Variants in PCDHGA3 observed in about 807,000 individuals in gnomAD.
The protein encoded by PCDHGA3 is protocadherin gamma subfamily A, 3, also known as protocadherin gamma-A3.
Under a neutral mutation model 58.5 loss-of-function variants are expected in PCDHGA3, and 40 were observed. The ratio of observed to expected loss-of-function variants is 0.68; its 90% confidence interval spans 0.53 to 0.89. The LOEUF (loss-of-function observed/expected upper bound fraction) is 0.89. PCDHGA3 is among the 40% of genes least tolerant of loss of function. The pLI is 0.00. For synonymous variants in PCDHGA3, 530 were observed against 525.7 expected (o/e 1.01, Z -0.11); for missense variants, 1,223 against 1,195.9 (o/e 1.02, Z -0.33).
intron 1 of PCDHGA3, chr5:141,423,628 AT>A (rs2096762361): frequency 6.2e-7 from 1 of 1,604,844 alleles, no homozygotes; most frequent in Admixed American, 1.7e-5. Flanking sequence ...CTCAGCTATC[AT>A]TTTAGGCAAA....
At position 141,364,431 on chromosome 5, in the gene PCDHGA3, C is replaced by T; in HGVS notation, c.2424+17974C>T. On this transcript the variant is annotated intron_variant, in intron 1 of 3. Coordinates refer to ENST00000253812, the MANE Select transcript of PCDHGA3 (RefSeq NM_018916.4). ...CCAGGATCCGGGCAGATCCGCTACT[C>T]GATGCCGGAGGAGCTGGACAAAGGC... 2.5e-6 allele frequency: 4 copies of T among 1,613,754 alleles called. No individual in the cohort carries two copies. The South Asian group carries it at 3.3e-5, about 13-fold the overall frequency.
chr5:141,375,876 C>T, intron 1 of PCDHGA3: 1 of 1,613,848 alleles, frequency 6.2e-7, no homozygotes, highest in Non-Finnish European at 8.5e-7. Context: ...GACAGAGACT[C>T]GGGCCAGAAC....
In PCDHGA3 at chr5:141,363,308, G is replaced by A. The variant is rs144371866; in HGVS notation, c.2424+16851G>A. ...ATTATATAGAATTTTTATTTTCTTA[G>A]TTTTCTATGAAAGTGTTATTAAATA... On this transcript the variant is annotated intron_variant, in intron 1 of 3. Transcript: ENST00000253812. Among the ~76,000 whole-genome samples, 211 of 152,094 alleles carry A rather than the reference G, an allele frequency of 1.4e-3. 2 individuals carry two copies. Among genetic ancestry groups the A allele is most frequent in the African/African-American group, 5.0e-3 (207 of 41,486 alleles).
intron 1 of PCDHGA3, among the ~76,000 whole-genome samples, chr5:141,457,543 A>G (rs555448211): frequency 2.6e-5 from 4 of 152,346 alleles, no homozygotes; most frequent in African/African-American, 9.6e-5. Flanking sequence ...TTAATGACAA[A>G]TGTATGATAA....
intron 1 of PCDHGA3, chr5:141,420,568 T>C (rs2096507107): frequency 8.5e-6 from 2 of 235,080 alleles, no homozygotes; most frequent in African/African-American, 2.3e-5. Flanking sequence ...CGGCATGGTA[T>C]TTTAATTGAA....
At chr5:141,478,345 C>T (rs755421316) in intron 1 of PCDHGA3, 3 of 1,613,850 alleles carry the variant, frequency 1.9e-6, no homozygotes, top group East Asian at 4.5e-5. Context: ...CCTCCTTGCA[C>T]GCGGACGCCG....
chr5:141,469,505 G>T (rs2099202987), intron 1 of PCDHGA3, among the ~76,000 whole-genome samples: 1 of 152,138 alleles, frequency 6.6e-6, no homozygotes. Flanking sequence ...AACCCGGGAG[G>T]TGGAGGTTGC....
chr5:141,357,725 T>TTCTATAAAGCAA, intron 1 of PCDHGA3: 9 of 1,394,618 alleles, frequency 6.5e-6, no homozygotes, highest in Middle Eastern at 3.8e-4. Flanking sequence ...GTTGCCTCTT[T>TTCTATAAAGCAA]TAATATTTTA....
chr5:141,407,505 T>TTTTTTTTTTTTTTTTTGAGACGG (rs1460306566), intron 1 of PCDHGA3, among the ~76,000 whole-genome samples: 2 of 152,146 alleles, frequency 1.3e-5, no homozygotes, highest in African/African-American at 4.8e-5. Flanking sequence ...CTGTTTTTCT[T>TTTTTTTTTTTTTTTTTGAGACGG]AGGCTATGTA....
intron 1 of PCDHGA3, chr5:141,408,648 G>A: frequency 2.5e-6 from 4 of 1,613,922 alleles, no homozygotes; most frequent in South Asian, 2.2e-5. Flanking sequence ...GCATCCGCTG[G>A]TACACGACTA....
intron 1 of PCDHGA3, chr5:141,419,239 C>T (rs374093302): frequency 3.7e-6 from 6 of 1,614,008 alleles, no homozygotes; most frequent in East Asian, 2.2e-5. Context: ...ACCTGGTCCA[C>T]GTGCCAGAAA....
chr5:141,441,310 C>T (rs2098239133), intron 1 of PCDHGA3: 1 of 152,154 alleles, frequency 6.6e-6, no homozygotes, highest in Non-Finnish European at 1.5e-5. Context: ...AGAAAATGCA[C>T]CTTGAGAAAA....
chr5:141,364,590 C>G lies in PCDHGA3; in HGVS notation c.2424+18133C>G, dbSNP rs751302023. On this transcript the variant is annotated intron_variant, in intron 1 of 3. Transcript: ENST00000253812. ...CCGCGAAGCGGCAGCTTGGTCACCG[C>G]GGGCAGGATAGACCGGGAGGAGCTC... 2.7e-5 allele frequency: 44 copies of G among 1,614,196 alleles called. 1 individual carries two copies. In the South Asian group the frequency reaches 3.6e-4, roughly 13 times the overall value.
At position 141,382,966 on chromosome 5, in the gene PCDHGA3, C is replaced by A. The variant is rs36077896; in HGVS notation, c.2424+36509C>A. ...CCTGCTCTCCATCCTCCTGGGGACC[C>A]CCTGGGAAGCCTGGGCAGGACGTAT... On this transcript the variant is annotated intron_variant, in intron 1 of 3. Coordinates refer to ENST00000253812, the MANE Select transcript of PCDHGA3 (RefSeq NM_018916.4). 1,675 of 1,609,050 alleles carry A rather than the reference C, an allele frequency of 1.0e-3. 6 individuals are homozygous for A. Among genetic ancestry groups the A allele is most frequent in the Middle Eastern group, 5.5e-3 (33 of 6,044 alleles).
In PCDHGA3 at chr5:141,357,367, C is replaced by A. The variant is rs377276213; in HGVS notation, c.2424+10910C>A. On this transcript the variant is annotated intron_variant, in intron 1 of 3. Coordinates refer to ENST00000253812, the MANE Select transcript of PCDHGA3 (RefSeq NM_018916.4). The stretch of plus-strand genomic sequence containing the variant: ...CAAGCTGAGACGCTGGCACAAGTCA[C>A]GCCTGCTTCACGCTGAAGGCAGCAG... 6 of 1,614,060 alleles carry A rather than the reference C, an allele frequency of 3.7e-6. No individual in the cohort carries two copies. In the African/African-American group the frequency reaches 6.7e-5, roughly 18 times the overall value.
At chr5:141,452,134 T>C (rs539377216) in intron 1 of PCDHGA3, among the ~76,000 whole-genome samples, 2 of 152,344 alleles carry the variant, frequency 1.3e-5, no homozygotes, top group South Asian at 2.1e-4. Flanking sequence ...ATATGGCTCA[T>C]GTGTTTTTTC....
rs201325462 is a variant in PCDHGA3, at chr5:141,371,687, G to C, written c.2424+25230G>C. The C allele has an allele frequency of 3.2e-3, 5,173 of 1,614,012 alleles. 13 individuals are homozygous for C. The highest frequency in any genetic ancestry group is 4.1e-3 in the Non-Finnish European group (4,801 of 1,179,898). ...CAGCTACCGACAAAGGCAATCCACC[G>C]CTCTCCTCCAGCAAGACCATCACTC... On this transcript the variant is annotated intron_variant, in intron 1 of 3. Coordinates refer to ENST00000253812, the MANE Select transcript of PCDHGA3 (RefSeq NM_018916.4).
At position 141,485,222 on chromosome 5, in the gene PCDHGA3, C is replaced by T; in HGVS notation, c.2425-9585C>T. On this transcript the variant is annotated intron_variant, in intron 1 of 3. Transcript: ENST00000253812. The surrounding 1 kb of genome is among the most constrained non-coding windows in gnomAD (Gnocchi z 5.7). The stretch of plus-strand genomic sequence containing the variant: ...GACAGAAATCTGGCGGTGGGCTACC[C>T]TTTTGTTCCTCTTTTACCACCTGGG... 4 of 1,614,196 alleles carry T rather than the reference C, an allele frequency of 2.5e-6. No homozygotes were observed. Among genetic ancestry groups the T allele is most frequent in the Non-Finnish European group, 2.5e-6 (3 of 1,180,020 alleles).
chr5:141,432,300 T>G lies in PCDHGA3; in HGVS notation c.2425-62507T>G, dbSNP rs1280788604. ...TCCATCAACTCCGACACTGGGGTACTGTATGCGCTGAGCTCCTTCGACTAC... is the reference window on the plus strand; with the variant it reads ...TCCATCAACTCCGACACTGGGGTACGGTATGCGCTGAGCTCCTTCGACTAC... On this transcript the variant is annotated intron_variant, in intron 1 of 3. Transcript: ENST00000253812. The surrounding 1 kb of genome is among the most constrained non-coding windows in gnomAD (Gnocchi z 6.0). 1.9e-6 allele frequency: 3 copies of G among 1,614,158 alleles called. No homozygotes were observed. The highest frequency in any genetic ancestry group is 2.5e-6 in the Non-Finnish European group (3 of 1,180,056).
Sources: gnomAD v4.1 joint callset for allele counts (sites outside exome capture counted in the v4.1 genomes callset) on GRCh38, gnomAD v4.1.1 for gene constraint, Gnocchi (gnomAD v3.1) non-coding constraint, MANE v1.5 for transcripts, NCBI Gene and HGNC (gene_info 2026-07-23, HGNC 2026-07-21) for gene names.